The following WWC2 variants were observed in gnomAD, a reference collection of about 807,000 sequenced individuals.
The protein encoded by WWC2 is WW and C2 domain containing 2, also known as protein WWC2.
A neutral mutation model predicts 138.5 loss-of-function variants in WWC2; 101 were observed. The ratio of observed to expected loss-of-function variants is 0.73; its 90% CI spans 0.62 to 0.86. The LOEUF (loss-of-function observed/expected upper bound fraction) is 0.86, where lower values mean the gene tolerates loss of function less well. Ranked by LOEUF, WWC2 falls within the 40% of genes least tolerant of loss-of-function variation. The pLI, the probability that WWC2 is intolerant of heterozygous loss-of-function variation, is 0.00. For synonymous variants in WWC2, 558 were observed against 538.4 expected (o/e 1.04, Z -0.50); for missense variants, 1,420 against 1,419.4 (o/e 1.00, Z -0.01).
intron 4 of WWC2, among the ~76,000 whole-genome samples, chr4:183,228,785 C>G (rs1326145410): frequency 6.6e-6 from 1 of 151,978 alleles, no homozygotes; most frequent in East Asian, 1.9e-4. Flanking sequence ...CATGCAGCTC[C>G]ACCCTAGAGT....
chr4:183,226,890 G>A (rs1226874329), intron 4 of WWC2, among the ~76,000 whole-genome samples: 1 of 152,060 alleles, frequency 6.6e-6, no homozygotes, highest in Non-Finnish European at 1.5e-5. Flanking sequence ...CATAGAGACT[G>A]TACACCGGGT....
chr4:183,270,970 C>G, intron 15 of WWC2, 110 bp from the exon 16 acceptor site: 1 of 1,033,566 alleles, frequency 9.7e-7, no homozygotes, highest in Non-Finnish European at 1.3e-6. Flanking sequence ...TTTTTTTTAC[C>G]CTAAAACAAG....
At chr4:183,272,619 A>G (rs1160051866) in intron 16 of WWC2, among the ~76,000 whole-genome samples, 1 of 152,032 alleles carries the variant, frequency 6.6e-6, no homozygotes, top group Non-Finnish European at 1.5e-5. Flanking sequence ...CTCTTTCCCC[A>G]AGGCAACCAC....
At chr4:183,152,274 A>G (rs1007760282) in intron 1 of WWC2, among the ~76,000 whole-genome samples, 6 of 152,004 alleles carry the variant, frequency 3.9e-5, no homozygotes, top group Non-Finnish European at 7.4e-5. Context: ...CTGAGGAGGG[A>G]GGATGCTTGA....
At chr4:183,135,037 T>A (rs1313505863) in intron 1 of WWC2, among the ~76,000 whole-genome samples, 1 of 152,148 alleles carries the variant, frequency 6.6e-6, no homozygotes, top group African/African-American at 2.4e-5. Context: ...GTTCAAGCGA[T>A]TCTCCTGCCT....
At chr4:183,111,706 T>C (rs917452346) in intron 1 of WWC2, among the ~76,000 whole-genome samples, 24 of 152,012 alleles carry the variant, frequency 1.6e-4, no homozygotes, top group African/African-American at 5.6e-4. Flanking sequence ...TTGTTTTTTT[T>C]TTTTTGATAC....
At chr4:183,202,002 G>A (rs1255989574) in intron 2 of WWC2, among the ~76,000 whole-genome samples, 7 of 152,144 alleles carry the variant, frequency 4.6e-5, no homozygotes, top group African/African-American at 7.2e-5. Flanking sequence ...GTGGGGAAGC[G>A]CTTGGGTTGG....
At chr4:183,101,946 C>G (rs1235575003) in intron 1 of WWC2, among the ~76,000 whole-genome samples, 1 of 152,152 alleles carries the variant, frequency 6.6e-6, no homozygotes, top group Non-Finnish European at 1.5e-5. Context: ...GATAGTCTAT[C>G]AGAATTTGTT....
chr4:183,228,372 T>G (rs1255690304), intron 4 of WWC2, among the ~76,000 whole-genome samples: 1 of 152,084 alleles, frequency 6.6e-6, no homozygotes, highest in African/African-American at 2.4e-5. Flanking sequence ...CAAGCAGATT[T>G]AAAAATTAGT....
intron 11 of WWC2, among the ~76,000 whole-genome samples, chr4:183,263,760 CA>C (rs1298246049): frequency 5.3e-5 from 8 of 151,866 alleles, no homozygotes; most frequent in Non-Finnish European, 1.2e-4. Context: ...GACCTTGTCT[CA>C]AAAAAAGGAA....
chr4:183,236,227 C>T (rs1736419672), intron 4 of WWC2, among the ~76,000 whole-genome samples: 1 of 152,108 alleles, frequency 6.6e-6, no homozygotes, highest in Non-Finnish European at 1.5e-5. Flanking sequence ...CAGTTGTGTG[C>T]TGTTTTGGTT....
chr4:183,185,945 ATTTTTTTTTT>A (rs546555995), intron 1 of WWC2, among the ~76,000 whole-genome samples: 2 of 131,236 alleles, frequency 1.5e-5, no homozygotes, highest in Admixed American at 1.5e-4. Flanking sequence ...TTTAACATAG[ATTTTTTTTTT>A]TTTTTTTTTG....
rs55710913 is a variant in WWC2 at position 183,169,437 on chromosome 4, A to AT, written c.132-24152dup. ...ACACGGACTCAAAGCTTTTAAAATA[A>AT]TTTTTTTTTTATTTTTTCATAGAAG... is the stretch of plus-strand genomic sequence containing the variant. On this transcript the variant is annotated intron_variant, in intron 1 of 22. Coordinates refer to ENST00000403733, the MANE Select transcript of WWC2 (RefSeq NM_024949.6). Among the ~76,000 whole-genome samples the AT allele has an allele frequency of 4.9e-4, 74 of 151,750 alleles. 1 individual carries two copies. In the East Asian group the frequency reaches 1.0e-2, roughly 20 times the overall value.
intron 4 of WWC2, among the ~76,000 whole-genome samples, chr4:183,218,577 G>A (rs926983377): frequency 6.6e-6 from 1 of 152,124 alleles, no homozygotes; most frequent in Non-Finnish European, 1.5e-5. Flanking sequence ...GGAAACTGGC[G>A]AGTCCAGATT....
intron 1 of WWC2, among the ~76,000 whole-genome samples, chr4:183,162,325 A>G (rs1358839848): frequency 2.0e-5 from 3 of 152,202 alleles, no homozygotes; most frequent in Non-Finnish European, 4.4e-5. Context: ...GTTTTGATAA[A>G]AATTCTCAAA....
chr4:183,163,155 G>A (rs1460858423), intron 1 of WWC2, among the ~76,000 whole-genome samples: 3 of 152,220 alleles, frequency 2.0e-5, no homozygotes, highest in African/African-American at 7.2e-5. Flanking sequence ...TAAAAGGAAA[G>A]CAGGCAGACC....
At chr4:183,210,875 ACATAC>A (rs1735576294) in intron 4 of WWC2, among the ~76,000 whole-genome samples, 2 of 152,238 alleles carry the variant, frequency 1.3e-5, no homozygotes, top group Non-Finnish European at 2.9e-5. Flanking sequence ...GCAGTGCGAG[ACATAC>A]CGTCTTATAT....
rs1561444001 is a variant in WWC2 at position 183,164,368 on chromosome 4, TATATATACATATATATA to T, written c.132-29230_132-29214del. Among the ~76,000 whole-genome samples the T allele has an allele frequency of 3.6e-3, 27 of 7,504 alleles. 1 individual carries two copies. In the East Asian group the frequency reaches 0.12, roughly 33 times the overall value. 4.9% of individuals were successfully genotyped at this position (7,504 alleles called of 152,430 possible). The stretch of plus-strand genomic sequence containing the variant: ...ATATATTATATATACATATATATAT[TATATATACATATATATA>T]TTATATATACATATATATTATATAT... On this transcript the variant is annotated intron_variant, in intron 1 of 22. Transcript: ENST00000403733.
At chr4:183,155,130 GGT>G (rs1285387235) in intron 1 of WWC2, among the ~76,000 whole-genome samples, 2 of 184 alleles carry the variant, frequency 0.011, no homozygotes, top group Non-Finnish European at 0.056. Context: ...GTTAGAACTT[GGT>G]AGGGCTGTCA....
Sources: allele counts gnomAD v4.1 joint callset (sites outside exome capture counted in the v4.1 genomes callset), GRCh38; gene constraint gnomAD v4.1.1; transcripts MANE v1.5; gene names NCBI Gene and HGNC (gene_info 2026-07-23, HGNC 2026-07-21).